The following ZRANB3 variants were observed in gnomAD, a reference collection of about 807,000 sequenced individuals.
ZRANB3 encodes DNA annealing helicase and endonuclease ZRANB3.
In ZRANB3, 125 loss-of-function variants were observed where a neutral mutation model predicts 133.8. That is an observed-to-expected ratio of 0.93 (90% CI 0.81 to 1.08). The LOEUF (loss-of-function observed/expected upper bound fraction) is 1.08. Among genes scored for constraint, ZRANB3 ranks in the 50% least tolerant of loss-of-function variants. The pLI is 0.00. For synonymous variants in ZRANB3, 387 were observed against 432.7 expected, an observed-to-expected ratio of 0.89 and a Z score of 1.31; for missense variants, 1,229 against 1,275.5, an observed-to-expected ratio of 0.96 and a Z score of 0.56.
chr2:135,508,997 A>G (rs1239496136), intron 1 of ZRANB3, among the ~76,000 whole-genome samples: 1 of 152,116 alleles, frequency 6.6e-6, no homozygotes, highest in African/African-American at 2.4e-5. Flanking sequence ...TACTTATAGC[A>G]AGGCGGGGGG....
At chr2:135,399,121 T>C (rs937379042) in intron 2 of ZRANB3, among the ~76,000 whole-genome samples, 1 of 152,142 alleles carries the variant, frequency 6.6e-6, no homozygotes, top group Admixed American at 6.5e-5. Context: ...TGAACGGCCA[T>C]ACATGTACAT....
chr2:135,446,488 C>T (rs1207972979), intron 2 of ZRANB3, among the ~76,000 whole-genome samples: 1 of 152,076 alleles, frequency 6.6e-6, no homozygotes, highest in Non-Finnish European at 1.5e-5. Context: ...ATGAATAGTG[C>T]AGTATAGTAT....
chr2:135,428,303 G>A (rs1689179318), intron 2 of ZRANB3, among the ~76,000 whole-genome samples: 3 of 151,752 alleles, frequency 2.0e-5, no homozygotes, highest in Admixed American at 1.3e-4. Flanking sequence ...AATTAGCCGG[G>A]CTTGGTAGTG....
intron 2 of ZRANB3, among the ~76,000 whole-genome samples, chr2:135,466,936 G>C (rs956302421): frequency 4.1e-4 from 62 of 152,268 alleles, no homozygotes; most frequent in African/African-American, 1.5e-3. Context: ...TGGGATTACA[G>C]GCGTGAGCTA....
intron 12 of ZRANB3, among the ~76,000 whole-genome samples, chr2:135,256,571 A>G (rs961385943): frequency 1.5e-4 from 23 of 151,986 alleles, no homozygotes; most frequent in African/African-American, 5.5e-4. Context: ...CAGGTGACCC[A>G]CCCGCCTCAG....
chr2:135,517,516 T>G (rs1693749785), intron 1 of ZRANB3, among the ~76,000 whole-genome samples: 1 of 152,206 alleles, frequency 6.6e-6, no homozygotes, highest in African/African-American at 2.4e-5. Flanking sequence ...GTTTTCCTTC[T>G]AACAGTCAGG....
chr2:135,200,863 C>T (rs780257016), intron 20 of ZRANB3, among the ~76,000 whole-genome samples: 1 of 149,504 alleles, frequency 6.7e-6, no homozygotes, highest in Non-Finnish European at 1.5e-5. Context: ...TCAAGCAATT[C>T]TCCAGCCTCA....
chr2:135,253,791 G>A (rs899031029), intron 12 of ZRANB3, among the ~76,000 whole-genome samples: 12 of 152,142 alleles, frequency 7.9e-5, no homozygotes, highest in East Asian at 1.9e-4. Context: ...ATATGTGATC[G>A]TAGTTGACCA....
In ZRANB3 at chr2:135,224,494, A is replaced by C. The variant is rs747670973; in HGVS notation, c.2182T>G (p.Leu728Val). 4 of 1,613,150 alleles carry C rather than the reference A, an allele frequency of 2.5e-6. No individual in the cohort carries two copies. The highest frequency in any genetic ancestry group is 3.4e-6 in the Non-Finnish European group (4 of 1,179,416). ...AACATTAAGGTGTCATACACTGGCAAAGTGTCTGAACTCTTCCACTGTTCT... is the reference window on the plus strand; with the variant it reads ...AACATTAAGGTGTCATACACTGGCACAGTGTCTGAACTCTTCCACTGTTCT... ...GNEQWKSSDT[L>V]PVYDTLMFCA... Residue 728 changes from leucine to valine, a missense_variant, in exon 15 of 21, where the codon TTG becomes GTG. Leu to Val is a conservative substitution (Grantham distance 32). Transcript: ENST00000264159.
intron 15 of ZRANB3, 42 bp downstream of exon 15, chr2:135,224,384 T>G (rs760072835): frequency 6.8e-7 from 1 of 1,465,282 alleles, no homozygotes; most frequent in Non-Finnish European, 9.3e-7. Context: ...AAAAAGGAAG[T>G]CTTTTTTATG....
chr2:135,373,145 C>G (rs1191297148), intron 3 of ZRANB3, among the ~76,000 whole-genome samples: 1 of 150,888 alleles, frequency 6.6e-6, no homozygotes, highest in Non-Finnish European at 1.5e-5. Flanking sequence ...CTGACTAGTT[C>G]AAGTGATCTT....
chr2:135,220,881 G>C, intron 15 of ZRANB3, among the ~76,000 whole-genome samples: 1 of 136,782 alleles, frequency 7.3e-6, no homozygotes, highest in African/African-American at 3.0e-5. Context: ...TTTTGAGACA[G>C]AGTCACACTC....
chr2:135,401,106 G>A (rs1200784006), intron 2 of ZRANB3, among the ~76,000 whole-genome samples: 1 of 152,124 alleles, frequency 6.6e-6, no homozygotes, highest in Non-Finnish European at 1.5e-5. Context: ...AGAATGATGA[G>A]TAAATACGTT....
At chr2:135,438,203 T>C (rs886858361) in intron 2 of ZRANB3, among the ~76,000 whole-genome samples, 2 of 152,172 alleles carry the variant, frequency 1.3e-5, no homozygotes, top group African/African-American at 4.8e-5. Context: ...TTGGTTCTGT[T>C]TCTCTGGAAA....
chr2:135,308,366 T>C (rs547686652), intron 8 of ZRANB3, among the ~76,000 whole-genome samples: 65 of 152,244 alleles, frequency 4.3e-4, no homozygotes, highest in Admixed American at 1.0e-3. Context: ...ACTCTGCCTC[T>C]TCCACAATGG....
chr2:135,504,528 G>A (rs1693090032), intron 1 of ZRANB3, 32 bp from the exon 2 acceptor site: 6 of 1,571,532 alleles, frequency 3.8e-6, no homozygotes, highest in African/African-American at 1.4e-5. Context: ...AAAAGGGAGG[G>A]GTATAAGAAA....
intron 2 of ZRANB3, among the ~76,000 whole-genome samples, chr2:135,487,530 G>A (rs1349083407): frequency 2.0e-5 from 3 of 152,226 alleles, no homozygotes; most frequent in African/African-American, 4.8e-5. Context: ...GTTGTTTAGT[G>A]TAGTCACTTT....
intron 2 of ZRANB3, among the ~76,000 whole-genome samples, chr2:135,418,452 T>G (rs1420044501): frequency 1.3e-5 from 2 of 151,356 alleles, no homozygotes; most frequent in Admixed American, 6.6e-5. Context: ...CATTTAGAGG[T>G]TTTTTTTTAA....
chr2:135,514,913 G>T (rs1351272873), intron 1 of ZRANB3, among the ~76,000 whole-genome samples: 2 of 151,954 alleles, frequency 1.3e-5, no homozygotes, highest in Non-Finnish European at 2.9e-5. Context: ...GTTGTTATTG[G>T]TTATGTTTAT....
Sources: allele counts gnomAD v4.1 joint callset (sites outside exome capture counted in the v4.1 genomes callset), GRCh38; gene constraint gnomAD v4.1.1; transcripts MANE v1.5; gene names NCBI Gene and HGNC (gene_info 2026-07-23, HGNC 2026-07-21).